The following ARHGAP42 variants were observed in gnomAD, a reference collection of about 807,000 sequenced individuals.
ARHGAP42 encodes Rho GTPase activating protein 42, also known as rho GTPase-activating protein 42.
In ARHGAP42, 63 loss-of-function variants were observed where a neutral mutation model predicts 125.0. The ratio of observed to expected loss-of-function variants is 0.50; its 90% confidence interval spans 0.41 to 0.62. The LOEUF (loss-of-function observed/expected upper bound fraction) is 0.62, where lower values mean the gene tolerates loss of function less well. ARHGAP42 is among the 20% of genes least tolerant of loss of function. ARHGAP42 has a pLI of 0.00. For missense variants in ARHGAP42, 766 were observed against 1,024.2 expected (o/e 0.75, Z 3.44); for synonymous variants, 339 against 351.0 (o/e 0.97, Z 0.38).
At chr11:100,713,758 G>T (rs906127847) in intron 1 of ARHGAP42, among the ~76,000 whole-genome samples, 1 of 152,066 alleles carries the variant, frequency 6.6e-6, no homozygotes, top group African/African-American at 2.4e-5. Flanking sequence ...TTTCTTTAGG[G>T]GATCTGCAGA....
In ARHGAP42 at chr11:100,705,031, AAAG is replaced by A. The variant is rs1237134581; in HGVS notation, c.154+17201_154+17203del. Among the ~76,000 whole-genome samples, 59 of 142,544 alleles carry A rather than the reference AAAG, an allele frequency of 4.1e-4. 2 individuals carry two copies. Among genetic ancestry groups the A allele is most frequent in the South Asian group, 2.0e-3 (9 of 4,474 alleles). 93.5% of individuals were successfully genotyped at this position (142,544 alleles called of 152,430 possible). On this transcript the variant is annotated intron_variant, in intron 1 of 23. Coordinates refer to ENST00000298815, the MANE Select transcript of ARHGAP42 (RefSeq NM_152432.4). ...ACAACAACAAAAAAAAAAAAAAAAA[AAAG>A]AGAGAAGAAAAGAAAAAGAAAGACA...
chr11:100,804,205 G>C lies in ARHGAP42; in HGVS notation c.312+9039G>C, dbSNP rs928346223. Reference sequence around the variant, plus strand: ...GGGTCTCACCATATTGCATAGGCTGGTATTGAACACCTGACCTCAAGTAAT... The same window carrying C: ...GGGTCTCACCATATTGCATAGGCTGCTATTGAACACCTGACCTCAAGTAAT... On this transcript the variant is annotated intron_variant, in intron 3 of 23. Coordinates refer to ENST00000298815, the MANE Select transcript of ARHGAP42 (RefSeq NM_152432.4). Among the ~76,000 whole-genome samples, 3 of 152,006 alleles carry C rather than the reference G, an allele frequency of 2.0e-5. No individual in the cohort carries two copies. The South Asian group carries it at 6.2e-4, about 32-fold the overall frequency.
intron 1 of ARHGAP42, among the ~76,000 whole-genome samples, chr11:100,694,267 A>T (rs773426390): frequency 2.6e-5 from 4 of 152,148 alleles, no homozygotes; most frequent in Non-Finnish European, 5.9e-5. Context: ...GTTTTTATTA[A>T]TGTATATATG....
At chr11:100,977,394 T>G (rs1247547944) in intron 21 of ARHGAP42, among the ~76,000 whole-genome samples, 1 of 152,114 alleles carries the variant, frequency 6.6e-6, no homozygotes, top group Non-Finnish European at 1.5e-5. Context: ...CTCACTTCCA[T>G]CCTACGCCCG....
rs1433720395 is a variant in ARHGAP42 at position 100,993,571 on chromosome 11, G to T, written c.*4770G>T. On this transcript the variant is annotated 3_prime_UTR_variant, in exon 24 of 24. Transcript: ENST00000298815. ...GAAACCTTAACAAATAGGGAATTTG[G>T]CAGGGAAGACACCTGGGTTTTTAAT... 6.0e-6 allele frequency: 1 copy of T among 166,980 alleles called. No individual in the cohort carries two copies. Among genetic ancestry groups the T allele is most frequent in the Non-Finnish European group, 1.5e-5 (1 of 68,096 alleles). The allele number at this position is 166,980 out of a possible 1,614,324, so 10.3% of individuals were successfully genotyped here.
chr11:100,850,523 C>T (rs548559360), intron 3 of ARHGAP42, among the ~76,000 whole-genome samples: 18 of 152,004 alleles, frequency 1.2e-4, no homozygotes, highest in Non-Finnish European at 1.8e-4. Context: ...CCATATATAC[C>T]GTGTTGTGGT....
At chr11:100,751,411 T>TAGC (rs2120353260) in intron 1 of ARHGAP42, among the ~76,000 whole-genome samples, 1 of 151,748 alleles carries the variant, frequency 6.6e-6, no homozygotes, top group Admixed American at 6.6e-5. Context: ...GCCTTCTGAG[T>TAGC]AGCTGAGACT....
intron 12 of ARHGAP42, among the ~76,000 whole-genome samples, chr11:100,954,651 C>T (rs1476061925): frequency 6.6e-6 from 1 of 152,138 alleles, no homozygotes; most frequent in African/African-American, 2.4e-5. Context: ...CATCCTCCTT[C>T]TTTGCCATAT....
intron 4 of ARHGAP42, among the ~76,000 whole-genome samples, chr11:100,879,001 A>T (rs983559495): frequency 2.0e-5 from 3 of 151,824 alleles, no homozygotes; most frequent in Non-Finnish European, 4.4e-5. Flanking sequence ...TTTTCAAGGA[A>T]AGAAGACATG....
At chr11:100,727,497 A>G (rs1309536066) in intron 1 of ARHGAP42, among the ~76,000 whole-genome samples, 3 of 152,198 alleles carry the variant, frequency 2.0e-5, no homozygotes, top group East Asian at 1.9e-4. Context: ...AGAGTCCGCC[A>G]CAATTAGAAG....
In ARHGAP42 at chr11:100,811,742, C is replaced by T. The variant is rs528283685; in HGVS notation, c.312+16576C>T. Reference sequence around the variant, plus strand: ...TTCAAACTCCTGACCTCAAGTGATCCGCCTGCCTCGGCCTCCCAAAGTGCT... The same window carrying T: ...TTCAAACTCCTGACCTCAAGTGATCTGCCTGCCTCGGCCTCCCAAAGTGCT... On this transcript the variant is annotated intron_variant, in intron 3 of 23. Coordinates refer to ENST00000298815, the MANE Select transcript of ARHGAP42 (RefSeq NM_152432.4). Among the ~76,000 whole-genome samples, 241 of 152,074 alleles carry T rather than the reference C, an allele frequency of 1.6e-3. 2 individuals are homozygous for T. The highest frequency in any genetic ancestry group is 5.5e-3 in the African/African-American group (228 of 41,500).
chr11:100,790,557 G>T (rs1863541193), intron 2 of ARHGAP42, among the ~76,000 whole-genome samples: 2 of 152,150 alleles, frequency 1.3e-5, no homozygotes, highest in African/African-American at 4.8e-5. Flanking sequence ...CATGCAGGTG[G>T]CAGGAATTTA....
chr11:100,764,025 CT>C (rs772607133), intron 1 of ARHGAP42, among the ~76,000 whole-genome samples: 1,198 of 101,464 alleles, frequency 0.012, 9 homozygotes, highest in African/African-American at 0.038. Context: ...TCTTCTTCTT[CT>C]TTTTTTTTTT....
chr11:100,702,905 G>A lies in ARHGAP42; in HGVS notation c.154+15073G>A, dbSNP rs934167108. Among the ~76,000 whole-genome samples, 7 of 151,926 alleles carry A rather than the reference G, an allele frequency of 4.6e-5. No homozygotes were observed. In the East Asian group the frequency reaches 9.7e-4, roughly 21 times the overall value. On this transcript the variant is annotated intron_variant, in intron 1 of 23. Transcript: ENST00000298815. Reference sequence around the variant, plus strand: ...TCGAACTCCTGACCTCAGGTGATCCGCCCACCTCGGCCTCCCAAAGTGCGG... The same window carrying A: ...TCGAACTCCTGACCTCAGGTGATCCACCCACCTCGGCCTCCCAAAGTGCGG...
intron 2 of ARHGAP42, among the ~76,000 whole-genome samples, chr11:100,779,686 C>T (rs1863253464): frequency 6.7e-6 from 1 of 149,282 alleles, no homozygotes; most frequent in African/African-American, 2.5e-5. Flanking sequence ...AATTAACACA[C>T]ATGCACACAC....
chr11:100,845,502 T>TAA (rs199956318), intron 3 of ARHGAP42, among the ~76,000 whole-genome samples: 1 of 150,252 alleles, frequency 6.7e-6, no homozygotes, highest in Non-Finnish European at 1.5e-5. Context: ...CCTATGAAAA[T>TAA]AAAAAAAAAC....
chr11:100,712,133 G>A (rs1225027217), intron 1 of ARHGAP42, among the ~76,000 whole-genome samples: 1 of 152,104 alleles, frequency 6.6e-6, no homozygotes, highest in Non-Finnish European at 1.5e-5. Context: ...GGAACCTTGA[G>A]TTTTTTCGGG....
At chr11:100,858,102 TG>T (rs1865364311) in intron 3 of ARHGAP42, among the ~76,000 whole-genome samples, 1 of 146,066 alleles carries the variant, frequency 6.8e-6, no homozygotes, top group Non-Finnish European at 1.5e-5. Context: ...TGTGTGTGTG[TG>T]TGTGTGTGTG....
intron 4 of ARHGAP42, among the ~76,000 whole-genome samples, chr11:100,901,114 T>C (rs1003284526): frequency 1.3e-5 from 2 of 152,188 alleles, no homozygotes; most frequent in Non-Finnish European, 2.9e-5. Context: ...GCTATTCCTT[T>C]CTATTTGTTA....
Sources: gnomAD v4.1 joint callset for allele counts (sites outside exome capture counted in the v4.1 genomes callset) on GRCh38, gnomAD v4.1.1 for gene constraint, MANE v1.5 for transcripts, NCBI Gene and HGNC (gene_info 2026-07-23, HGNC 2026-07-21) for gene names.